Variants in CD3G observed in about 807,000 individuals in gnomAD.
The protein encoded by CD3G is T-cell surface glycoprotein CD3 gamma chain.
In CD3G, 24 loss-of-function variants were observed where a neutral mutation model predicts 28.3. The observed-to-expected ratio is 0.85, with a 90% CI of 0.61 to 1.19. The LOEUF is 1.19. Ranked by LOEUF, CD3G falls within the 50% of genes most tolerant of loss-of-function variation. The pLI, the probability that CD3G is intolerant of heterozygous loss-of-function variation, is 0.00. For missense variants in CD3G, 211 were observed against 210.0 expected, an observed-to-expected ratio of 1.00 and a Z score of -0.03; for synonymous variants, 71 against 75.9, an observed-to-expected ratio of 0.93 and a Z score of 0.34.
Position 118,349,043 on chromosome 11 carries a change from A to T in CD3G, c.72A>T (p.Ser24=), listed in dbSNP as rs768284919. The T allele has an allele frequency of 5.0e-6, 8 of 1,614,166 alleles. No homozygotes were observed. In the South Asian group the frequency reaches 8.8e-5, roughly 18 times the overall value. ...TCTTTACAGGTACTTTGGCCCAGTC[A>T]ATCAAAGGTAGGAGAAATGGCTTCT... ...IILLQGTLAQ[S]IKGNHLVKVY... The change falls in exon 2 of 7, where the codon TCA becomes TCT. Residue 24 remains serine (S), a synonymous_variant. Transcript: ENST00000532917.
chr11:118,344,463 A>C lies in CD3G; in HGVS notation c.40A>C (p.Ile14Leu). 1.9e-6 allele frequency: 3 copies of C among 1,569,756 alleles called. No homozygotes were observed. The highest frequency in any genetic ancestry group is 2.6e-6 in the Non-Finnish European group (3 of 1,156,638). Reference protein sequence around the residue: ...GKGLAVLILAIILLQGTLAQS... With the variant: ...GKGLAVLILALILLQGTLAQS... ...GGGCCTGGCTGTCCTCATCCTGGCT[A>C]TCATTCTTCTTCAAGGTAAGGGCCT... is the stretch of plus-strand genomic sequence containing the variant. Residue 14 changes from isoleucine (I) to leucine (L), a missense_variant, in exon 1 of 7, where the codon ATC (isoleucine) becomes CTC (leucine). Physicochemically the swap from Ile to Leu is conservative, Grantham distance 5 (BLOSUM62 2). Coordinates refer to ENST00000532917, the MANE Select transcript of CD3G (RefSeq NM_000073.3).
At position 118,354,290 on chromosome 11, in the gene CD3G, CTTTTCTTTTT is replaced by C. The variant is rs1948432568; in HGVS notation, c.*1194_*1203del. The C allele has an allele frequency of 6.8e-6, 1 of 146,826 alleles. No individual in the cohort carries two copies. The highest frequency in any genetic ancestry group is 2.5e-5 in the African/African-American group (1 of 39,792). 9.1% of individuals were successfully genotyped at this position (146,826 alleles called of 1,614,324 possible). A position where few individuals can be genotyped will look rare whatever the true frequency, so the allele number is the denominator to read the frequency against. ...TAGGACATTTTCTTTTTTTTCTTTT[CTTTTCTTTTT>C]TTTCTTTTTTTTTTTTTTTTGAAGT... On this transcript the variant is annotated 3_prime_UTR_variant, in exon 7 of 7. Transcript: ENST00000532917.
chr11:118,347,868 A>G (rs1332880530), intron 1 of CD3G, among the ~76,000 whole-genome samples: 1 of 152,002 alleles, frequency 6.6e-6, no homozygotes, highest in Non-Finnish European at 1.5e-5. Flanking sequence ...CAATCTGCCC[A>G]CCTCAGCATC....
At position 118,349,934 on chromosome 11, in the gene CD3G, C is replaced by T. The variant is rs1948391148; in HGVS notation, c.271C>T (p.Gln91Ter). 1.2e-6 allele frequency: 2 copies of T among 1,613,954 alleles called. No individual in the cohort carries two copies. Among genetic ancestry groups the T allele is most frequent in the Non-Finnish European group, 1.7e-6 (2 of 1,179,990 alleles). ...PRGMYQCKGS[Q>*]NKSKPLQVYY... ...AGGGATGTATCAGTGTAAAGGATCA[C>T]AGAACAAGTCAAAACCACTCCAAGT... The change falls in exon 3 of 7, where the codon CAG becomes TAG. Residue 91 changes from glutamine to a stop codon, truncating the protein, a stop_gained. Coordinates refer to ENST00000532917, the MANE Select transcript of CD3G (RefSeq NM_000073.3). LOFTEE classifies it high-confidence loss of function.
chr11:118,348,382 T>TA (rs940490626), intron 1 of CD3G, among the ~76,000 whole-genome samples: 13 of 151,856 alleles, frequency 8.6e-5, no homozygotes, highest in African/African-American at 2.9e-4. Context: ...TCAGTTTTAT[T>TA]AAAAAATAAA....
At position 118,354,243 on chromosome 11, in the gene CD3G, AG is replaced by A. The variant is rs1948432207; in HGVS notation, c.*1144del. 1 of 151,818 alleles carries A rather than the reference AG, an allele frequency of 6.6e-6. No homozygotes were observed. The highest frequency in any genetic ancestry group is 2.4e-5 in the African/African-American group (1 of 41,328). 9.4% of individuals were successfully genotyped at this position (151,818 alleles called of 1,614,324 possible). A position where few individuals can be genotyped will look rare whatever the true frequency, so the allele number is the denominator to read the frequency against. On this transcript the variant is annotated 3_prime_UTR_variant, in exon 7 of 7. Transcript: ENST00000532917. ...TTTTAGTAAATTTAACTAATTGTAC[AG>A]CCATTACCATAATCCAGCTTTAGGA...
intron 6 of CD3G, among the ~76,000 whole-genome samples, chr11:118,352,908 G>A (rs1948422559): frequency 6.6e-6 from 1 of 152,166 alleles, no homozygotes; most frequent in Admixed American, 6.5e-5. Flanking sequence ...AATCAAAAAT[G>A]TGTCCAGACA....
chr11:118,345,550 G>A (rs1948347937), intron 1 of CD3G, among the ~76,000 whole-genome samples: 1 of 152,070 alleles, frequency 6.6e-6, no homozygotes, highest in African/African-American at 2.4e-5. Flanking sequence ...AAGACTGGGT[G>A]GTAGGTAGAG....
At chr11:118,351,717 G>A (rs369050937) in intron 5 of CD3G, 46 bp downstream of exon 5, 5 of 1,578,074 alleles carry the variant, frequency 3.2e-6, no homozygotes, top group Non-Finnish European at 4.4e-6. Flanking sequence ...ATTAGTGGGG[G>A]TAAATCTTTG....
Position 118,349,921 on chromosome 11 carries a change from G to A in CD3G, c.258G>A (p.Gln86=), listed in dbSNP as rs201524785. The change falls in exon 3 of 7, where the codon CAG becomes CAA. Residue 86 remains glutamine (Q), a synonymous_variant. Coordinates refer to ENST00000532917, the MANE Select transcript of CD3G (RefSeq NM_000073.3). ...SNAKDPRGMY[Q]CKGSQNKSKP... Reference sequence around the variant, plus strand: ...CCAAGGACCCTCGAGGGATGTATCAGTGTAAAGGATCACAGAACAAGTCAA... The same window carrying A: ...CCAAGGACCCTCGAGGGATGTATCAATGTAAAGGATCACAGAACAAGTCAA... 6.2e-7 allele frequency: 1 copy of A among 1,614,188 alleles called. No homozygotes were observed. Among genetic ancestry groups the A allele is most frequent in the Non-Finnish European group, 8.5e-7 (1 of 1,180,032 alleles).
At chr11:118,347,328 A>T (rs1433737520) in intron 1 of CD3G, among the ~76,000 whole-genome samples, 1 of 152,226 alleles carries the variant, frequency 6.6e-6, no homozygotes, top group Non-Finnish European at 1.5e-5. Flanking sequence ...TCACCCTTGG[A>T]CAAAATTAAT....
At chr11:118,346,448 CAA>C (rs374730992) in intron 1 of CD3G, among the ~76,000 whole-genome samples, 7 of 142,786 alleles carry the variant, frequency 4.9e-5, no homozygotes, top group Admixed American at 1.4e-4. Flanking sequence ...AAAAACAAAA[CAA>C]AAAAAAAAGA....
intron 3 of CD3G, chr11:118,350,296 T>G (rs906193411): frequency 6.9e-6 from 4 of 578,584 alleles, no homozygotes; most frequent in African/African-American, 3.7e-5. Flanking sequence ...CAGTGGAGCA[T>G]GAAGAGTATC....
At chr11:118,351,761 AC>A in intron 5 of CD3G, 90 bp downstream of exon 5, 2 of 1,201,886 alleles carry the variant, frequency 1.7e-6, no homozygotes, top group Non-Finnish European at 2.5e-6. Flanking sequence ...AAGATCCTAT[AC>A]AGGTAAGAAA....
At chr11:118,348,943 G>A (rs1948380907) in intron 1 of CD3G, 84 bp from the exon 2 acceptor site, 2 of 1,457,432 alleles carry the variant, frequency 1.4e-6, no homozygotes, top group Admixed American at 3.3e-5. Flanking sequence ...CTTCATCTTG[G>A]CCTCAAATAA....
At position 118,349,977 on chromosome 11, in the gene CD3G, A is replaced by T. The variant is rs748368894; in HGVS notation, c.307+7A>T. The T allele has an allele frequency of 6.2e-7, 1 of 1,603,732 alleles. No homozygotes were observed. Among genetic ancestry groups the T allele is most frequent in the South Asian group, 1.1e-5 (1 of 90,828 alleles). ...CTCCAAGTGTATTACAGAAGTATGT[A>T]ATCCCCTTTGGTCTGTTTGTTGTGA... On this transcript the variant is annotated splice_region_variant and intron_variant, in intron 3 of 6. Transcript: ENST00000532917.
chr11:118,348,301 C>T (rs183790421), intron 1 of CD3G, among the ~76,000 whole-genome samples: 2 of 152,122 alleles, frequency 1.3e-5, no homozygotes, highest in South Asian at 2.1e-4. Flanking sequence ...CTTAAGGATT[C>T]CCATGACCCT....
rs935975173 is a variant in CD3G at position 118,351,772 on chromosome 11, A to T, written c.483+101A>T. The T allele has an allele frequency of 3.9e-6, 4 of 1,035,068 alleles. No homozygotes were observed. The African/African-American group carries it at 6.3e-5, about 16-fold the overall frequency. The allele number at this position is 1,035,068 out of a possible 1,614,324, so 64.1% of individuals were successfully genotyped here. A position where few individuals can be genotyped will look rare whatever the true frequency, so the allele number is the denominator to read the frequency against. On this transcript the variant is annotated intron_variant, in intron 5 of 6. Coordinates refer to ENST00000532917, the MANE Select transcript of CD3G (RefSeq NM_000073.3). The stretch of plus-strand genomic sequence containing the variant: ...TTGGAAGATCCTATACAGGTAAGAA[A>T]CTGCTAACAGCATACCAGATGATGA...
At chr11:118,351,580 T>G (rs781256196) in intron 4 of CD3G, 48 bp from the exon 5 acceptor site, 36 of 1,594,694 alleles carry the variant, frequency 2.3e-5, no homozygotes, top group Non-Finnish European at 2.9e-5. Context: ...TATAACCCAA[T>G]TTATTATGCA....
Sources: gnomAD v4.1 joint callset for allele counts (sites outside exome capture counted in the v4.1 genomes callset) on GRCh38, gnomAD v4.1.1 for gene constraint, MANE v1.5 for transcripts, NCBI Gene and HGNC (gene_info 2026-07-23, HGNC 2026-07-21) for gene names.